PRKCA: variants seen among roughly 807,000 people sequenced by gnomAD.
PRKCA encodes protein kinase C alpha, also known as protein kinase C alpha type.
PRKCA carries 27 observed loss-of-function variants against 87.0 expected under a neutral mutation model. That is an observed-to-expected ratio of 0.31 (90% CI 0.23 to 0.43). PRKCA has a LOEUF of 0.43. Ranked by LOEUF, PRKCA falls within the 20% of genes least tolerant of loss-of-function variation. The probability of loss-of-function intolerance (pLI) is 1.00; values close to 1 mark genes in which losing one functional copy is unlikely to be tolerated. For synonymous variants in PRKCA, 329 were observed against 311.1 expected (o/e 1.06, Z -0.61); for missense variants, 518 against 852.3 (o/e 0.61, Z 4.88).
intron 3 of PRKCA, among the ~76,000 whole-genome samples, chr17:66,612,985 T>C (rs1457336003): frequency 1.3e-5 from 2 of 152,228 alleles, no homozygotes. Context: ...ATTATGTTAA[T>C]TCAGAAGAAT....
intron 2 of PRKCA, among the ~76,000 whole-genome samples, chr17:66,319,904 A>C (rs955536369): frequency 1.3e-5 from 2 of 151,792 alleles, no homozygotes; most frequent in African/African-American, 4.8e-5. Flanking sequence ...ACCACACCTG[A>C]CTAATTTTTT....
At chr17:66,389,199 C>T (rs955438997) in intron 2 of PRKCA, among the ~76,000 whole-genome samples, 1 of 152,204 alleles carries the variant, frequency 6.6e-6, no homozygotes, top group African/African-American at 2.4e-5. Context: ...TTCACAATAG[C>T]CCACACCAAG....
chr17:66,439,232 G>C (rs1913583993), intron 2 of PRKCA, among the ~76,000 whole-genome samples: 2 of 151,788 alleles, frequency 1.3e-5, no homozygotes, highest in Non-Finnish European at 2.9e-5. Flanking sequence ...CCAGGCTGGA[G>C]TGCAGTGGCA....
intron 16 of PRKCA, among the ~76,000 whole-genome samples, chr17:66,789,649 G>A (rs9905531): frequency 0.15 from 22,439 of 152,166 alleles, 2,534 homozygotes; most frequent in African/African-American, 0.31. Flanking sequence ...TGGGTACTAT[G>A]GTCCCCAGTT....
At chr17:66,337,089 C>A (rs1388411613) in intron 2 of PRKCA, among the ~76,000 whole-genome samples, 2 of 152,098 alleles carry the variant, frequency 1.3e-5, no homozygotes, top group African/African-American at 2.4e-5. Context: ...CCGTGCCCAG[C>A]CAGACGTGCC....
intron 5 of PRKCA, among the ~76,000 whole-genome samples, chr17:66,678,461 A>C (rs977049466): frequency 3.9e-5 from 6 of 152,220 alleles, no homozygotes; most frequent in Non-Finnish European, 8.8e-5. Context: ...TATTGATGTC[A>C]TCCTGCTAGC....
intron 3 of PRKCA, among the ~76,000 whole-genome samples, chr17:66,584,380 C>T (rs1042919038): frequency 4.6e-5 from 7 of 151,976 alleles, no homozygotes; most frequent in African/African-American, 1.7e-4. Context: ...CGCCACCATG[C>T]CCAGCTGATT....
At chr17:66,417,190 G>A (rs375255282) in intron 2 of PRKCA, among the ~76,000 whole-genome samples, 3 of 151,642 alleles carry the variant, frequency 2.0e-5, no homozygotes, top group Admixed American at 6.6e-5. Context: ...GTGAGCCACC[G>A]TGCCCAGCCT....
intron 2 of PRKCA, among the ~76,000 whole-genome samples, chr17:66,375,100 A>G (rs1909349668): frequency 6.6e-6 from 1 of 152,060 alleles, no homozygotes; most frequent in East Asian, 1.9e-4. Flanking sequence ...GAGGGGGGTA[A>G]TAGCTTAATG....
At chr17:66,346,891 C>T (rs1359614313) in intron 2 of PRKCA, among the ~76,000 whole-genome samples, 1 of 151,874 alleles carries the variant, frequency 6.6e-6, no homozygotes, top group Non-Finnish European at 1.5e-5. Context: ...ATTAGCTGGG[C>T]GTGGTGGCTC....
chr17:66,738,122 C>T (rs1242203452), intron 10 of PRKCA, among the ~76,000 whole-genome samples: 1 of 152,190 alleles, frequency 6.6e-6, no homozygotes, highest in Non-Finnish European at 1.5e-5. Flanking sequence ...GATACATGCC[C>T]ATCATGGGGC....
At chr17:66,542,494 G>A (rs1968017925) in intron 3 of PRKCA, among the ~76,000 whole-genome samples, 1 of 152,080 alleles carries the variant, frequency 6.6e-6, no homozygotes, top group Non-Finnish European at 1.5e-5. Flanking sequence ...AGGCTTCTTG[G>A]GAAATAGAGC....
At chr17:66,728,309 G>A (rs993930793) in intron 8 of PRKCA, among the ~76,000 whole-genome samples, 3 of 152,300 alleles carry the variant, frequency 2.0e-5, no homozygotes, top group South Asian at 2.1e-4. Context: ...TGATATGGAC[G>A]TGGTCAGCCT....
At chr17:66,742,505 A>G in intron 12 of PRKCA, 117 bp from the exon 13 acceptor site, 1 of 1,061,402 alleles carries the variant, frequency 9.4e-7, no homozygotes, top group Non-Finnish European at 1.4e-6. Flanking sequence ...CCAGGGACTT[A>G]TAGTTAATAT....
rs1267934625 is a variant in PRKCA, at chr17:66,805,524, CA to C, written c.*1492del. ...TACTTTTTAAATGTAGATAAAATTT[CA>C]AAAATGAATGGCTAGTTTACGTGAT... On this transcript the variant is annotated 3_prime_UTR_variant, in exon 17 of 17. Coordinates refer to ENST00000413366, the MANE Select transcript of PRKCA (RefSeq NM_002737.3). 6.6e-6 allele frequency: 1 copy of C among 152,272 alleles called. No homozygotes were observed. The highest frequency in any genetic ancestry group is 1.5e-5 in the Non-Finnish European group (1 of 68,018). The allele number at this position is 152,272 out of a possible 1,614,324, so 9.4% of individuals were successfully genotyped here. A position where few individuals can be genotyped will look rare whatever the true frequency, so the allele number is the denominator to read the frequency against.
chr17:66,636,156 T>A (rs1971146757), intron 3 of PRKCA, among the ~76,000 whole-genome samples: 1 of 152,126 alleles, frequency 6.6e-6, no homozygotes, highest in South Asian at 2.1e-4. Context: ...GTAAAATGCA[T>A]CACTATTTAG....
At chr17:66,439,929 C>T (rs1913634767) in intron 2 of PRKCA, among the ~76,000 whole-genome samples, 1 of 152,174 alleles carries the variant, frequency 6.6e-6, no homozygotes, top group Admixed American at 6.5e-5. Context: ...CCCTAGAAAT[C>T]CCATAATAAG....
chr17:66,610,693 C>A (rs1207850546), intron 3 of PRKCA, among the ~76,000 whole-genome samples: 4 of 152,162 alleles, frequency 2.6e-5, no homozygotes, highest in African/African-American at 9.7e-5. Flanking sequence ...GTCACGATCG[C>A]AAGAGCACAC....
At chr17:66,578,980 C>T (rs554697558) in intron 3 of PRKCA, among the ~76,000 whole-genome samples, 1 of 152,352 alleles carries the variant, frequency 6.6e-6, no homozygotes, top group South Asian at 2.1e-4. Flanking sequence ...CTCACCTCTG[C>T]ACTTGCAAGA....
Sources: allele counts gnomAD v4.1 joint callset (sites outside exome capture counted in the v4.1 genomes callset), GRCh38; gene constraint gnomAD v4.1.1; transcripts MANE v1.5; gene names NCBI Gene and HGNC (gene_info 2026-07-23, HGNC 2026-07-21).